The following ABCA12 variants were observed in gnomAD, a reference collection of about 807,000 sequenced individuals.
The protein encoded by ABCA12 is ATP binding cassette subfamily A member 12.
In ABCA12, 156 loss-of-function variants were observed where a neutral mutation model predicts 293.5. The observed-to-expected ratio is 0.53, with a 90% CI of 0.47 to 0.61. ABCA12 has a LOEUF of 0.61. Among genes scored for constraint, ABCA12 ranks in the 20% least tolerant of loss-of-function variants. The pLI is 0.00. For missense variants in ABCA12, 2,797 were observed against 3,090.2 expected, an observed-to-expected ratio of 0.91 and a Z score of 2.25; for synonymous variants, 1,063 against 1,108.0, an observed-to-expected ratio of 0.96 and a Z score of 0.81.
At chr2:214,978,758 G>A (rs1424206019) in intron 32 of ABCA12, 46 bp downstream of exon 32, 1 of 1,576,362 alleles carries the variant, frequency 6.3e-7, no homozygotes, top group East Asian at 2.2e-5. Flanking sequence ...AAAGGGAACA[G>A]CAAGTTATAT....
In ABCA12 at chr2:215,015,571, A is replaced by T; in HGVS notation, c.1875T>A (p.Ser625=). The T allele has an allele frequency of 6.2e-7, 1 of 1,614,108 alleles. No individual in the cohort carries two copies. Among genetic ancestry groups the T allele is most frequent in the Admixed American group, 1.7e-5 (1 of 60,026 alleles). ...AAGACTGCCGGGATCTCTCTGAAAG[A>T]GACAGGTTGCAGAATTCTTTCATTG... ...EDAMKEFCNL[S]LSERSRQSYL... Residue 625 remains serine, a synonymous_variant, in exon 15 of 53, where the codon TCT becomes TCA. Transcript: ENST00000272895.
chr2:214,937,436 T>G, intron 51 of ABCA12, 74 bp downstream of exon 51: 1 of 1,205,900 alleles, frequency 8.3e-7, no homozygotes, highest in Admixed American at 1.7e-5. Flanking sequence ...TGACCTCAAG[T>G]GATTGCCCGC....
At chr2:215,134,364 G>GTACATATATGTATATGTGTATATA (rs1703139149) in intron 1 of ABCA12, among the ~76,000 whole-genome samples, 1 of 114,292 alleles carries the variant, frequency 8.7e-6, no homozygotes, top group Non-Finnish European at 1.8e-5. Context: ...ATATGTATAT[G>GTACATATATGTATATGTGTATATA]TGTATATATG....
intron 2 of ABCA12, among the ~76,000 whole-genome samples, chr2:215,065,935 T>C (rs547235189): frequency 4.0e-4 from 61 of 152,246 alleles, no homozygotes; most frequent in Middle Eastern, 6.8e-3. Context: ...TATTCACTAG[T>C]TCCTTCCATG....
At chr2:214,998,608 C>A (rs1465203745) in intron 22 of ABCA12, among the ~76,000 whole-genome samples, 1 of 152,150 alleles carries the variant, frequency 6.6e-6, no homozygotes, top group Non-Finnish European at 1.5e-5. Flanking sequence ...CAGATGTATT[C>A]CTCAATGTCC....
chr2:215,019,708 C>G lies in ABCA12; in HGVS notation c.1376G>C (p.Ser459Thr), dbSNP rs113112835. 2.1e-4 allele frequency: 334 copies of G among 1,614,046 alleles called. 1 individual carries two copies. The highest frequency in any genetic ancestry group is 3.3e-4 in the Admixed American group (20 of 59,998). The change falls in exon 12 of 53, where the codon AGC becomes ACC. Residue 459 changes from serine to threonine, a missense_variant. Around this residue, in one of 3 missense-constraint regions of ABCA12, gnomAD observed 656 missense variants for 638.2 expected, o/e 1.03. Transcript: ENST00000272895. Reference protein sequence around the residue: ...IEKSCQLSDMSFGSLCEESEF... With the variant: ...IEKSCQLSDMTFGSLCEESEF... ...ACTTTCTTCACACAGGCTCCCAAAG[C>G]TCATATCAGAGAGCTGGCATGACTT...
chr2:215,060,054 T>A (rs1438865948), intron 3 of ABCA12, among the ~76,000 whole-genome samples: 1 of 152,082 alleles, frequency 6.6e-6, no homozygotes, highest in Non-Finnish European at 1.5e-5. Context: ...ACTTCACTAA[T>A]ACACTCTCCA....
chr2:214,997,826 A>T lies in ABCA12; in HGVS notation c.3180-17T>A. On this transcript the variant is annotated splice_polypyrimidine_tract_variant and intron_variant, in intron 22 of 52. Coordinates refer to ENST00000272895, the MANE Select transcript of ABCA12 (RefSeq NM_173076.3). ...GTTAGGAAGCTGTAAAACAAACAAA[A>T]AAAGAAAAATTCAGCGACCAAAATG... The T allele has an allele frequency of 6.4e-7, 1 of 1,562,058 alleles. No individual in the cohort carries two copies. The highest frequency in any genetic ancestry group is 8.8e-7 in the Non-Finnish European group (1 of 1,133,020).
chr2:214,949,127 T>C lies in ABCA12; in HGVS notation c.6875A>G (p.Asn2292Ser). ...AGECFGLLGV[N>S]GAGKTTIFKM... ...GAATATAGTGGTCTTTCCTGCTCCATTCACTCCAAGAAGCCCAAAACACTG... is the reference window on the plus strand; with the variant it reads ...GAATATAGTGGTCTTTCCTGCTCCACTCACTCCAAGAAGCCCAAAACACTG... The change falls in exon 46 of 53, where the codon AAT becomes AGT. Residue 2292 changes from asparagine to serine, a missense_variant. By Grantham distance (46) the Asn-to-Ser change is conservative. Transcript: ENST00000272895. 3 of 1,613,756 alleles carry C rather than the reference T, an allele frequency of 1.9e-6. No homozygotes were observed. Among genetic ancestry groups the C allele is most frequent in the Non-Finnish European group, 2.5e-6 (3 of 1,179,868 alleles).
chr2:215,137,983 T>C (rs763522282), intron 1 of ABCA12, among the ~76,000 whole-genome samples, 157 bp downstream of exon 1: 1 of 152,200 alleles, frequency 6.6e-6, no homozygotes, highest in Non-Finnish European at 1.5e-5. Flanking sequence ...CTCCATTAGC[T>C]ATAAGACAGA....
Position 214,953,908 on chromosome 2 carries a change from G to C in ABCA12, c.6593C>G (p.Thr2198Ser), listed in dbSNP as rs765442920. 3 of 1,613,938 alleles carry C rather than the reference G, an allele frequency of 1.9e-6. No homozygotes were observed. Among genetic ancestry groups the C allele is most frequent in the Non-Finnish European group, 2.5e-6 (3 of 1,179,952 alleles). ...AMFVALVSQG[T>S]MFFSLRLLIN... ...TAAGAGTCGCAAGGAAAAAAACATG[G>C]TGCCCTGAGAAACCAAAGCCACAAA... is the stretch of plus-strand genomic sequence containing the variant. The change falls in exon 44 of 53, where the codon ACC becomes AGC. Residue 2198 changes from threonine (T) to serine (S), a missense_variant. Around this residue, in one of 3 missense-constraint regions of ABCA12, gnomAD observed 2,130 missense variants for 2,427.0 expected, o/e 0.88. Transcript: ENST00000272895.
intron 2 of ABCA12, among the ~76,000 whole-genome samples, chr2:215,074,404 A>G (rs546920786): frequency 7.9e-5 from 12 of 152,326 alleles, no homozygotes; most frequent in African/African-American, 2.9e-4. Flanking sequence ...CATTGCCTGA[A>G]GAAGGGAGTT....
intron 14 of ABCA12, among the ~76,000 whole-genome samples, chr2:215,017,500 C>T (rs968941109): frequency 9.2e-5 from 14 of 152,100 alleles, no homozygotes; most frequent in African/African-American, 3.4e-4. Flanking sequence ...AATGGATATC[C>T]ATTTTAATTT....
At chr2:215,116,561 A>C (rs1191541816) in intron 1 of ABCA12, among the ~76,000 whole-genome samples, 2 of 152,180 alleles carry the variant, frequency 1.3e-5, no homozygotes, top group Non-Finnish European at 2.9e-5. Flanking sequence ...TAAACATTAA[A>C]ATATATTTGA....
intron 1 of ABCA12, among the ~76,000 whole-genome samples, chr2:215,131,853 T>C (rs1432819862): frequency 6.6e-6 from 1 of 151,924 alleles, no homozygotes; most frequent in African/African-American, 2.4e-5. Context: ...GAGCTTTCTA[T>C]CTTTTTGATG....
intron 1 of ABCA12, among the ~76,000 whole-genome samples, chr2:215,112,586 C>T (rs541369394): frequency 2.0e-5 from 3 of 150,652 alleles, no homozygotes; most frequent in Admixed American, 1.3e-4. Flanking sequence ...GCAACCTCTG[C>T]CTCCCAGGTT....
At chr2:215,017,602 T>A (rs2106010690) in intron 14 of ABCA12, 1 of 169,278 alleles carries the variant, frequency 5.9e-6, no homozygotes, top group East Asian at 1.6e-4. Flanking sequence ...AGGTACAAAT[T>A]CACCTCATAC....
chr2:215,033,617 T>C (rs1700925635), intron 8 of ABCA12, among the ~76,000 whole-genome samples: 1 of 152,172 alleles, frequency 6.6e-6, no homozygotes, highest in Admixed American at 6.5e-5. Context: ...ATTTTACTTC[T>C]TTTTTATTTG....
intron 44 of ABCA12, among the ~76,000 whole-genome samples, chr2:214,952,939 G>T (rs1350098611): frequency 6.6e-6 from 1 of 151,982 alleles, no homozygotes; most frequent in East Asian, 1.9e-4. Flanking sequence ...TTTTTCAATA[G>T]GTGATACATG....
Sources: allele counts gnomAD v4.1 joint callset (sites outside exome capture counted in the v4.1 genomes callset), GRCh38; gene constraint gnomAD v4.1.1; regional missense constraint gnomAD v4.1.1; transcripts MANE v1.5; gene names NCBI Gene and HGNC (gene_info 2026-07-23, HGNC 2026-07-21).